The following INTS6L variants were observed in gnomAD, a reference collection of about 807,000 sequenced individuals.
INTS6L encodes integrator complex subunit 6 like, also known as integrator complex subunit 6-like.
INTS6L carries 18 observed loss-of-function variants against 64.7 expected under a neutral mutation model. That is an observed-to-expected ratio of 0.28 (90% CI 0.19 to 0.41). The LOEUF (loss-of-function observed/expected upper bound fraction) is 0.41, where lower values mean the gene tolerates loss of function less well. Ranked by LOEUF, INTS6L falls within the 10% of genes least tolerant of loss-of-function variation. The pLI is 1.00. For synonymous variants in INTS6L, 227 were observed against 235.9 expected, an observed-to-expected ratio of 0.96 and a Z score of 0.34; for missense variants, 533 against 661.0, an observed-to-expected ratio of 0.81 and a Z score of 2.12.
intron 3 of INTS6L, among the ~76,000 whole-genome samples, chrX:135,546,100 T>C (rs1393647572): frequency 8.9e-6 from 1 of 112,103 alleles, no homozygotes; most frequent in Non-Finnish European, 1.9e-5. Flanking sequence ...TCTTGTAATA[T>C]TATTTTGTGA....
rs2087391663 is a variant in INTS6L at position 135,582,426 on chromosome X, A to G, written c.*790A>G. 8.9e-6 allele frequency: 1 copy of G among 112,511 alleles called. No homozygotes were observed. Among genetic ancestry groups the G allele is most frequent in the African/African-American group, 3.2e-5 (1 of 30,943 alleles). The allele number at this position is 112,511 out of a possible 1,213,427, so 9.3% of individuals were successfully genotyped here. A position where few individuals can be genotyped will look rare whatever the true frequency, so the allele number is the denominator to read the frequency against. ...TATGGAGCAGTATTGTTATGTTTGT[A>G]TGAATTTGCAAAAATTAAAGTGTAC... On this transcript the variant is annotated 3_prime_UTR_variant, in exon 18 of 18. Coordinates refer to ENST00000639893, the MANE Select transcript of INTS6L (RefSeq NM_001351601.3).
At chrX:135,569,872 TG>T (rs2087050159) in intron 10 of INTS6L, 1 of 113,941 alleles carries the variant, frequency 8.8e-6, no homozygotes, top group Non-Finnish European at 1.8e-5. Context: ...AGCATGAAGT[TG>T]GGGCACTGGT....
intron 7 of INTS6L, 61 bp downstream of exon 7, chrX:135,549,866 T>C: frequency 8.6e-7 from 1 of 1,161,645 alleles, no homozygotes; most frequent in South Asian, 1.9e-5. Flanking sequence ...CTGATTACAG[T>C]GAACCTTTTA....
intron 10 of INTS6L, chrX:135,569,997 A>G (rs1556526816): frequency 8.7e-6 from 1 of 114,941 alleles, no homozygotes. Context: ...AAGATTACCA[A>G]AATAATTTCA....
intron 2 of INTS6L, among the ~76,000 whole-genome samples, chrX:135,522,384 G>A (rs2085605512): frequency 8.9e-6 from 1 of 112,073 alleles, no homozygotes; most frequent in Non-Finnish European, 1.9e-5. Context: ...AGAAAAGTAG[G>A]GAGGACGGTC....
At chrX:135,553,927 A>T (rs1156580472) in intron 8 of INTS6L, among the ~76,000 whole-genome samples, 1 of 111,469 alleles carries the variant, frequency 9.0e-6, no homozygotes, top group Non-Finnish European at 1.9e-5. Context: ...CTTCTGCACT[A>T]CCCCTTAAAT....
chrX:135,581,413 C>T (rs2087367740), intron 17 of INTS6L, 115 bp from the exon 18 acceptor site: 2 of 579,143 alleles, frequency 3.5e-6, no homozygotes, highest in African/African-American at 2.3e-5. Flanking sequence ...TCCATGAGGA[C>T]AATCTTTATA....
At chrX:135,529,766 A>G (rs1470217048) in intron 2 of INTS6L, among the ~76,000 whole-genome samples, 1 of 112,385 alleles carries the variant, frequency 8.9e-6, no homozygotes, top group Admixed American at 9.4e-5. Context: ...ATAATGAACA[A>G]TCACGAAATA....
intron 7 of INTS6L, among the ~76,000 whole-genome samples, chrX:135,550,259 A>G (rs1556516602): frequency 8.9e-6 from 1 of 111,883 alleles, no homozygotes; most frequent in African/African-American, 3.3e-5. Flanking sequence ...ACTTCTTCCT[A>G]CTTTTCATCT....
At chrX:135,563,658 GCTATATATATAGCTATA>G (rs1569512834) in intron 9 of INTS6L, among the ~76,000 whole-genome samples, 2 of 2,903 alleles carry the variant, frequency 6.9e-4, no homozygotes. Flanking sequence ...TATATATATA[GCTATATATATAGCTATA>G]TATATAGCTA....
intron 14 of INTS6L, 97 bp from the exon 15 acceptor site, chrX:135,577,096 G>A: frequency 1.3e-6 from 1 of 777,137 alleles, no homozygotes; most frequent in Non-Finnish European, 1.9e-6. Flanking sequence ...GTGATATAAT[G>A]CAAGATTGAT....
At chrX:135,575,430 A>G (rs2087197344) in intron 14 of INTS6L, among the ~76,000 whole-genome samples, 1 of 112,178 alleles carries the variant, frequency 8.9e-6, no homozygotes, top group Non-Finnish European at 1.9e-5. Context: ...ATTGAGTACT[A>G]GTAGGAGCTG....
chrX:135,529,022 T>G (rs2085829537), intron 2 of INTS6L, among the ~76,000 whole-genome samples: 1 of 111,697 alleles, frequency 9.0e-6, no homozygotes, highest in Non-Finnish European at 1.9e-5. Flanking sequence ...TTGCTTAGTC[T>G]TTTGGATGCA....
intron 16 of INTS6L, 65 bp downstream of exon 16, chrX:135,580,227 A>G (rs2087337365): frequency 8.9e-7 from 1 of 1,124,007 alleles, no homozygotes; most frequent in Non-Finnish European, 1.2e-6. Context: ...GTGATTCACT[A>G]TAGATTCAAG....
rs1556533225 is a variant in INTS6L at position 135,579,844 on chromosome X, C to T, written c.2176C>T (p.Pro726Ser). 2.5e-6 allele frequency: 3 copies of T among 1,208,085 alleles called. No homozygotes were observed. The African/African-American group carries it at 5.3e-5, about 21-fold the overall frequency. Residue 726 changes from proline (P) to serine (S), a missense_variant, in exon 16 of 18, where the codon CCT (proline) becomes TCT (serine). Pro to Ser is a moderately conservative substitution (Grantham distance 74). Transcript: ENST00000639893. ...EEKMENGQIT[P>S]DGFLSKSAPS... ...GAAGATGGAAAATGGTCAGATCACA[C>T]CTGATGGCTTCCTGTCAAAATCTGC...
At chrX:135,580,992 A>C (rs1193067588) in intron 16 of INTS6L, 58 bp from the exon 17 acceptor site, 1 of 839,687 alleles carries the variant, frequency 1.2e-6, no homozygotes, top group African/African-American at 2.1e-5. Flanking sequence ...TACAACAATT[A>C]AATTTTATTT....
intron 6 of INTS6L, among the ~76,000 whole-genome samples, chrX:135,549,119 T>C (rs1206918052): frequency 8.9e-6 from 1 of 112,317 alleles, no homozygotes; most frequent in Admixed American, 9.4e-5. Context: ...GGCTAGTTTT[T>C]ATTTTGCCTT....
At chrX:135,557,474 A>G (rs2086671964) in intron 9 of INTS6L, among the ~76,000 whole-genome samples, 1 of 111,762 alleles carries the variant, frequency 8.9e-6, no homozygotes, top group Admixed American at 9.5e-5. Context: ...TTTGGAGATA[A>G]GTATATACGC....
chrX:135,540,148 C>G (rs922399331), intron 2 of INTS6L, among the ~76,000 whole-genome samples: 4 of 111,772 alleles, frequency 3.6e-5, no homozygotes, highest in African/African-American at 1.3e-4. Context: ...ATGAGGAATG[C>G]CAATATACAT....
Sources: allele counts gnomAD v4.1 joint callset (sites outside exome capture counted in the v4.1 genomes callset), GRCh38; gene constraint gnomAD v4.1.1; transcripts MANE v1.5; gene names NCBI Gene and HGNC (gene_info 2026-07-23, HGNC 2026-07-21).